The following SKI variants were observed in gnomAD, a reference collection of about 807,000 sequenced individuals.
SKI encodes SKI proto-oncogene, also known as ski oncogene.
In SKI, 23 loss-of-function variants were observed where a neutral mutation model predicts 59.3. The observed-to-expected ratio is 0.39, with a 90% CI of 0.28 to 0.55. The LOEUF (loss-of-function observed/expected upper bound fraction) is 0.55, where lower values mean the gene tolerates loss of function less well. Ranked by LOEUF, SKI falls within the 20% of genes least tolerant of loss-of-function variation. The probability of loss-of-function intolerance (pLI) is 0.67; values close to 1 mark genes in which losing one functional copy is unlikely to be tolerated. For synonymous variants in SKI, 673 were observed against 488.6 expected (o/e 1.38, Z -4.98); for missense variants, 1,017 against 1,038.9 (o/e 0.98, Z 0.29).
In SKI at chr1:2,309,604, G is replaced by A. The variant is rs571180423; in HGVS notation, c.*2839G>A. On this transcript the variant is annotated 3_prime_UTR_variant, in exon 7 of 7. Transcript: ENST00000378536. Reference sequence around the variant, plus strand: ...TGCTTTCCTGCCGGGGGGCAGGGGAGACGGAGAAACCCATGTGCGTTTCCC... The same window carrying A: ...TGCTTTCCTGCCGGGGGGCAGGGGAAACGGAGAAACCCATGTGCGTTTCCC... The A allele has an allele frequency of 9.2e-5, 14 of 152,120 alleles. No homozygotes were observed. Among genetic ancestry groups the A allele is most frequent in the African/African-American group, 3.1e-4 (13 of 41,474 alleles). 9.4% of individuals were successfully genotyped at this position (152,120 alleles called of 1,614,324 possible). A position where few individuals can be genotyped will look rare whatever the true frequency, so the allele number is the denominator to read the frequency against.
rs1057523205 is a variant in SKI at position 2,229,468 on chromosome 1, C to G, written c.702C>G (p.Pro234=). ...GCAAGTGTAAGGGGCTGCTGGTGCC[C>G]GAGCTCTACAGCAGCCCGAGCGCCG... ...CFGKCKGLLV[P]ELYSSPSAAC... Residue 234 remains proline, a synonymous_variant, in exon 1 of 7, where the codon CCC becomes CCG. Coordinates refer to ENST00000378536, the MANE Select transcript of SKI (RefSeq NM_003036.4). The surrounding 1 kb of genome is among the most constrained non-coding windows in gnomAD (Gnocchi z 6.3). The G allele has an allele frequency of 9.3e-6, 15 of 1,611,824 alleles. No individual in the cohort carries two copies. Among genetic ancestry groups the G allele is most frequent in the African/African-American group, 1.3e-5 (1 of 74,926 alleles).
intron 1 of SKI, among the ~76,000 whole-genome samples, chr1:2,273,313 C>T (rs531610303): frequency 2.0e-4 from 30 of 152,194 alleles, no homozygotes; most frequent in African/African-American, 3.4e-4. Context: ...ACTCCTCCTT[C>T]CCGCCAGTGC....
At chr1:2,290,909 C>T (rs1640148701) in intron 1 of SKI, among the ~76,000 whole-genome samples, 1 of 152,252 alleles carries the variant, frequency 6.6e-6, no homozygotes, top group Non-Finnish European at 1.5e-5. Flanking sequence ...CTGTGTTCCG[C>T]ATTTTTCTCT....
rs191837748 is a variant in SKI at position 2,254,025 on chromosome 1, G to A, written c.969+24290G>A. Among the ~76,000 whole-genome samples, 301 of 152,354 alleles carry A rather than the reference G, an allele frequency of 2.0e-3. 1 individual carries two copies. The highest frequency in any genetic ancestry group is 7.0e-3 in the African/African-American group (290 of 41,572). On this transcript the variant is annotated intron_variant, in intron 1 of 6. Transcript: ENST00000378536. ...GGCGGCAAGGGCCACGTGCCTGGTC[G>A]TCAGGCCACGGATGCTTGTCCGGAG...
At chr1:2,236,576 T>G (rs1437261659) in intron 1 of SKI, among the ~76,000 whole-genome samples, 1 of 152,106 alleles carries the variant, frequency 6.6e-6, no homozygotes, top group Admixed American at 6.5e-5. Context: ...CTGGCTAATT[T>G]TTTGTATTTT....
chr1:2,282,826 T>C (rs1639937919), intron 1 of SKI, among the ~76,000 whole-genome samples: 1 of 152,070 alleles, frequency 6.6e-6, no homozygotes. Context: ...ACTAGTGACA[T>C]TCGCAAGGGT....
intron 1 of SKI, chr1:2,240,478 A>G (rs988086723): frequency 2.5e-5 from 25 of 985,280 alleles, no homozygotes; most frequent in Non-Finnish European, 2.9e-5. Context: ...CCTGGCCCCC[A>G]TGAGGAGGTC....
At chr1:2,255,947 G>T (rs756152619) in intron 1 of SKI, among the ~76,000 whole-genome samples, 15 of 149,854 alleles carry the variant, frequency 1.0e-4, no homozygotes, top group Non-Finnish European at 1.9e-4. Flanking sequence ...GTGTCACTCT[G>T]TCCTGACCTC....
At chr1:2,299,007 G>A (rs181733811) in intron 1 of SKI, among the ~76,000 whole-genome samples, 8 of 152,322 alleles carry the variant, frequency 5.3e-5, no homozygotes, top group East Asian at 3.9e-4. Context: ...GGTGGATGCC[G>A]GGTGGTCGTG....
At chr1:2,249,908 CCA>C (rs1639087910) in intron 1 of SKI, among the ~76,000 whole-genome samples, 1 of 152,018 alleles carries the variant, frequency 6.6e-6, no homozygotes, top group Non-Finnish European at 1.5e-5. Context: ...CATCTTTTGG[CCA>C]CAGTTTTTTT....
intron 1 of SKI, among the ~76,000 whole-genome samples, chr1:2,248,261 G>A (rs1639042193): frequency 1.3e-5 from 2 of 152,194 alleles, no homozygotes; most frequent in South Asian, 2.1e-4. Flanking sequence ...CCTCTCCGGG[G>A]CTGCCCGGAC....
Position 2,283,995 on chromosome 1 carries a change from T to C in SKI, c.970-18983T>C, listed in dbSNP as rs1286076918. On this transcript the variant is annotated intron_variant, in intron 1 of 6. Transcript: ENST00000378536. ...TGCTGTCTGCCCGCAGCTAGTGCCC[T>C]GTTAGCAGGTGCAGTGCCCGTGCCA... Among the ~76,000 whole-genome samples the C allele has an allele frequency of 5.3e-5, 8 of 152,254 alleles. No individual in the cohort carries two copies. In the South Asian group the frequency reaches 6.2e-4, roughly 12 times the overall value.
intron 1 of SKI, among the ~76,000 whole-genome samples, chr1:2,234,172 G>T (rs916112830): frequency 6.6e-6 from 1 of 152,150 alleles, no homozygotes; most frequent in Admixed American, 6.5e-5. Context: ...GTCTTCTCAA[G>T]CAGGGGAAAC....
intron 4 of SKI, 65 bp downstream of exon 4, chr1:2,304,167 G>C: frequency 6.3e-7 from 1 of 1,598,592 alleles, no homozygotes; most frequent in Non-Finnish European, 8.5e-7. Context: ...GGCTGAGGGG[G>C]GCTGGTCGCC....
intron 4 of SKI, 79 bp from the exon 5 acceptor site, chr1:2,304,214 T>C: frequency 6.4e-7 from 1 of 1,559,976 alleles, no homozygotes; most frequent in South Asian, 1.2e-5. Flanking sequence ...CGCAGGTTCC[T>C]CCGGGAGCGG....
intron 1 of SKI, among the ~76,000 whole-genome samples, chr1:2,295,943 A>C (rs1640275170): frequency 6.6e-6 from 1 of 152,120 alleles, no homozygotes; most frequent in South Asian, 2.1e-4. Context: ...GTGTACGCCG[A>C]GGACTGGAAT....
chr1:2,259,852 A>G (rs1334583942), intron 1 of SKI, among the ~76,000 whole-genome samples: 2 of 152,064 alleles, frequency 1.3e-5, no homozygotes, highest in Non-Finnish European at 2.9e-5. Flanking sequence ...GGCTCCTTGG[A>G]TGCGTGGCGT....
chr1:2,275,264 C>T (rs560260173), intron 1 of SKI, among the ~76,000 whole-genome samples: 19 of 152,334 alleles, frequency 1.2e-4, no homozygotes, highest in Middle Eastern at 3.4e-3. Context: ...CCCACGGCTC[C>T]GCTCAGGCGC....
intron 1 of SKI, among the ~76,000 whole-genome samples, chr1:2,273,849 G>A (rs1388446622): frequency 6.6e-6 from 1 of 152,184 alleles, no homozygotes; most frequent in Non-Finnish European, 1.5e-5. Flanking sequence ...CGGATGGGCC[G>A]TGCAGGCAGA....
Sources: allele counts gnomAD v4.1 joint callset (sites outside exome capture counted in the v4.1 genomes callset), GRCh38; gene constraint gnomAD v4.1.1; non-coding constraint Gnocchi (gnomAD v3.1); transcripts MANE v1.5; gene names NCBI Gene and HGNC (gene_info 2026-07-23, HGNC 2026-07-21).